ADH1A: variants seen among roughly 807,000 people sequenced by gnomAD.
The protein encoded by ADH1A is alcohol dehydrogenase 1A.
A neutral mutation model predicts 35.2 loss-of-function variants in ADH1A; 29 were observed. The observed-to-expected ratio is 0.82, with a 90% CI of 0.61 to 1.12. ADH1A has a LOEUF of 1.12. Ranked by LOEUF, ADH1A falls within the 50% of genes most tolerant of loss-of-function variation. The probability of loss-of-function intolerance (pLI) is 0.00; values close to 1 mark genes in which losing one functional copy is unlikely to be tolerated. For missense variants in ADH1A, 469 were observed against 464.7 expected, an observed-to-expected ratio of 1.01 and a Z score of -0.09; for synonymous variants, 147 against 164.8, an observed-to-expected ratio of 0.89 and a Z score of 0.83.
intron 5 of ADH1A, 114 bp downstream of exon 5, chr4:99,284,285 T>C (rs1733083416): frequency 1.8e-6 from 2 of 1,123,280 alleles, no homozygotes; most frequent in Non-Finnish European, 2.6e-6. Context: ...TTTCTATTCT[T>C]AGTCGACATT....
chr4:99,280,103 T>C, intron 7 of ADH1A, 41 bp downstream of exon 7: 2 of 1,612,806 alleles, frequency 1.2e-6, no homozygotes, highest in Non-Finnish European at 1.7e-6. Flanking sequence ...GGAGATATGC[T>C]GAGGTTAATG....
intron 8 of ADH1A, among the ~76,000 whole-genome samples, chr4:99,277,147 G>A (rs1272065015): frequency 6.6e-6 from 1 of 151,844 alleles, no homozygotes; most frequent in Non-Finnish European, 1.5e-5. Context: ...CTAGTATAGA[G>A]TTTTGGGATT....
At position 99,282,518 on chromosome 4, in the gene ADH1A, C is replaced by G. The variant is rs1047717837; in HGVS notation, c.656G>C (p.Arg219Thr). 1 of 1,614,178 alleles carries G rather than the reference C, an allele frequency of 6.2e-7. No homozygotes were observed. Among genetic ancestry groups the G allele is most frequent in the Non-Finnish European group, 8.5e-7 (1 of 1,180,034 alleles). Residue 219 changes from arginine to threonine, a missense_variant, in exon 6 of 9, where the codon AGA becomes ACA. Coordinates refer to ENST00000209668, the MANE Select transcript of ADH1A (RefSeq NM_000667.4). ...IMGCKAAGAA[R>T]IIAVDINKDK... is the part of the protein sequence containing the mutation. ...CTTGTTGATGTCCACCGCAATGATT[C>G]TGGCTGCCCCAGCTGCTTTACAGCC...
chr4:99,290,171 T>C (rs1163302424), intron 1 of ADH1A, among the ~76,000 whole-genome samples: 1 of 152,172 alleles, frequency 6.6e-6, no homozygotes, highest in Non-Finnish European at 1.5e-5. Flanking sequence ...ATTAAGATAT[T>C]TATGGAAGGC....
chr4:99,286,511 C>T (rs1275478115), intron 3 of ADH1A, among the ~76,000 whole-genome samples: 1 of 152,114 alleles, frequency 6.6e-6, no homozygotes, highest in African/African-American at 2.4e-5. Context: ...GACAGAAGAC[C>T]GTGTTCACCA....
At chr4:99,278,336 G>A (rs1307625526) in intron 8 of ADH1A, 1 of 152,044 alleles carries the variant, frequency 6.6e-6, no homozygotes, top group Middle Eastern at 3.2e-3. Flanking sequence ...TGGTTTAATA[G>A]AAGTGAGATA....
chr4:99,286,340 A>G (rs1733152557), intron 3 of ADH1A, among the ~76,000 whole-genome samples: 1 of 152,196 alleles, frequency 6.6e-6, no homozygotes, highest in Non-Finnish European at 1.5e-5. Context: ...AAGAGAGACC[A>G]CGTTGCAAGA....
intron 3 of ADH1A, among the ~76,000 whole-genome samples, chr4:99,285,447 A>C (rs549758728): frequency 1.3e-5 from 2 of 152,314 alleles, no homozygotes; most frequent in African/African-American, 4.8e-5. Context: ...TGACTTTGAA[A>C]TGTTTTTAGC....
chr4:99,290,880 A>T lies in ADH1A; in HGVS notation c.18+17T>A. On this transcript the variant is annotated intron_variant, in intron 1 of 8. Transcript: ENST00000209668. ...TGATGAGAATATAGTTCCAACAGTA[A>T]TATATTTTTTGCTTACTTTTCCTGC... The T allele has an allele frequency of 6.2e-7, 1 of 1,610,662 alleles. No individual in the cohort carries two copies. Among genetic ancestry groups the T allele is most frequent in the East Asian group, 2.2e-5 (1 of 44,864 alleles).
intron 5 of ADH1A, among the ~76,000 whole-genome samples, chr4:99,283,680 G>C (rs1388391588): frequency 1.3e-5 from 2 of 152,042 alleles, no homozygotes; most frequent in Non-Finnish European, 2.9e-5. Context: ...GAGACTTTGG[G>C]CAAATATCTT....
rs780291775 is a variant in ADH1A, at chr4:99,282,256, A to T, written c.828+90T>A. On this transcript the variant is annotated intron_variant, in intron 6 of 8. Coordinates refer to ENST00000209668, the MANE Select transcript of ADH1A (RefSeq NM_000667.4). ...GAAATTTCCATTCATCATTAAAAAT[A>T]TCCTTTATACAGAAAACATATATTC... The T allele has an allele frequency of 2.5e-6, 4 of 1,610,384 alleles. No homozygotes were observed. The Admixed American group carries it at 6.7e-5, about 27-fold the overall frequency.
At chr4:99,279,284 A>G (rs1370077242) in intron 8 of ADH1A, 142 bp downstream of exon 8, 13 of 1,133,838 alleles carry the variant, frequency 1.1e-5, no homozygotes, top group Non-Finnish European at 1.5e-5. Context: ...TTCTCTTACA[A>G]GCTCTCCATG....
At chr4:99,280,038 T>C in intron 7 of ADH1A, 106 bp downstream of exon 7, 3 of 1,500,908 alleles carry the variant, frequency 2.0e-6, no homozygotes, top group Non-Finnish European at 2.8e-6. Flanking sequence ...AGAAAAGGAA[T>C]TTTAATTTGT....
At chr4:99,286,399 C>T (rs1023699163) in intron 3 of ADH1A, among the ~76,000 whole-genome samples, 1 of 152,166 alleles carries the variant, frequency 6.6e-6, no homozygotes, top group African/African-American at 2.4e-5. Context: ...AGGTCATGCT[C>T]ATTCAGCCGT....
At chr4:99,280,380 G>A (rs1732972021) in intron 6 of ADH1A, 101 bp from the exon 7 acceptor site, 1 of 1,561,288 alleles carries the variant, frequency 6.4e-7, no homozygotes, top group Non-Finnish European at 8.7e-7. Flanking sequence ...TTGTGAGTGT[G>A]TAGAGGGAAG....
rs552273400 is a variant in ADH1A, at chr4:99,276,457, T to C, written c.*167A>G. On this transcript the variant is annotated 3_prime_UTR_variant, in exon 9 of 9. Transcript: ENST00000209668. ...CTCATTTGGATTTTAAACATTTGCTTGAAAAATAATTTTACATCAATTTCC... is the reference window on the plus strand; with the variant it reads ...CTCATTTGGATTTTAAACATTTGCTCGAAAAATAATTTTACATCAATTTCC... The C allele has an allele frequency of 3.6e-5, 25 of 689,092 alleles. No individual in the cohort carries two copies. In the Admixed American group the frequency reaches 4.9e-4, roughly 13 times the overall value. The allele number at this position is 689,092 out of a possible 1,614,324, so 42.7% of individuals were successfully genotyped here.
At chr4:99,283,972 T>C (rs999881946) in intron 5 of ADH1A, among the ~76,000 whole-genome samples, 1 of 152,198 alleles carries the variant, frequency 6.6e-6, no homozygotes, top group Non-Finnish European at 1.5e-5. Flanking sequence ...TTGATCCTAA[T>C]TCTGGGAGTA....
chr4:99,279,616 T>C, intron 7 of ADH1A, 52 bp from the exon 8 acceptor site: 1 of 1,561,460 alleles, frequency 6.4e-7, no homozygotes, highest in Non-Finnish European at 8.6e-7. Flanking sequence ...AGTAGGAGAA[T>C]TGAAGAGAAG....
chr4:99,283,726 T>C (rs1404714150), intron 5 of ADH1A, among the ~76,000 whole-genome samples: 1 of 152,208 alleles, frequency 6.6e-6, no homozygotes, highest in Non-Finnish European at 1.5e-5. Flanking sequence ...AAATAAAGCA[T>C]ACTACTAGAT....
Sources: allele counts gnomAD v4.1 joint callset (sites outside exome capture counted in the v4.1 genomes callset), GRCh38; gene constraint gnomAD v4.1.1; transcripts MANE v1.5; gene names NCBI Gene and HGNC (gene_info 2026-07-23, HGNC 2026-07-21).